SGCG: variants seen among roughly 807,000 people sequenced by gnomAD.
The protein encoded by SGCG is gamma-sarcoglycan.
In SGCG, 26 loss-of-function variants were observed where a neutral mutation model predicts 29.3. That is an observed-to-expected ratio of 0.89 (90% confidence interval 0.65 to 1.23). SGCG has a LOEUF of 1.23. Ranked by LOEUF, SGCG falls within the 50% of genes most tolerant of loss-of-function variation. The pLI, the probability that SGCG is intolerant of heterozygous loss-of-function variation, is 0.00. For missense variants in SGCG, 353 were observed against 356.0 expected (o/e 0.99, Z 0.07); for synonymous variants, 145 against 129.7 (o/e 1.12, Z -0.80).
chr13:23,226,937 G>A (rs776716124), intron 2 of SGCG, among the ~76,000 whole-genome samples: 13 of 152,286 alleles, frequency 8.5e-5, no homozygotes, highest in African/African-American at 1.7e-4. Context: ...AAGCTGTCCC[G>A]GAATGAGGCA....
intron 4 of SGCG, among the ~76,000 whole-genome samples, chr13:23,266,937 T>G (rs1178616988): frequency 6.6e-6 from 1 of 152,122 alleles, no homozygotes; most frequent in East Asian, 1.9e-4. Flanking sequence ...TTTGTAGCAA[T>G]GCAATAATGA....
upstream of SGCG, among the ~76,000 whole-genome samples, chr13:23,176,737 T>C (rs532454087): frequency 8.7e-4 from 132 of 152,278 alleles, 1 homozygote; most frequent in African/African-American, 3.2e-3. Context: ...GGAAGGTTAT[T>C]GTCGATAGGT....
intron 4 of SGCG, among the ~76,000 whole-genome samples, chr13:23,264,085 A>G (rs1023165314): frequency 2.0e-5 from 3 of 152,106 alleles, no homozygotes; most frequent in African/African-American, 7.2e-5. Flanking sequence ...TAGCCAGAGT[A>G]ATCATTGCAA....
intron 5 of SGCG, among the ~76,000 whole-genome samples, chr13:23,292,902 G>A (rs1315138456): frequency 6.6e-6 from 1 of 152,154 alleles, no homozygotes; most frequent in East Asian, 1.9e-4. Context: ...GACTTGAGGT[G>A]TATTAAAATT....
intron 5 of SGCG, among the ~76,000 whole-genome samples, chr13:23,294,494 T>C (rs1881831434): frequency 6.6e-6 from 1 of 152,216 alleles, no homozygotes; most frequent in Admixed American, 6.5e-5. Context: ...AAAAGTTTAT[T>C]TATTTTAAGG....
chr13:23,258,761 T>G, intron 4 of SGCG, among the ~76,000 whole-genome samples: 1 of 152,238 alleles, frequency 6.6e-6, no homozygotes, highest in East Asian at 1.9e-4. Context: ...GCATGAAGGC[T>G]GTTGAATTTT....
chr13:23,258,609 C>T (rs889076352), intron 4 of SGCG, among the ~76,000 whole-genome samples: 7 of 152,168 alleles, frequency 4.6e-5, no homozygotes. Flanking sequence ...TGAGAGAGGG[C>T]ATCCCTGTCT....
At chr13:23,299,452 A>ATTTTTTTTTT (rs1433429984) in intron 6 of SGCG, among the ~76,000 whole-genome samples, 6 of 43,446 alleles carry the variant, frequency 1.4e-4, no homozygotes, top group Non-Finnish European at 2.3e-4. Context: ...ATATATATAT[A>ATTTTTTTTTT]TATATTTTTT....
intron 6 of SGCG, among the ~76,000 whole-genome samples, chr13:23,305,289 G>T (rs1317106892): frequency 1.3e-5 from 2 of 152,056 alleles, no homozygotes; most frequent in Admixed American, 1.3e-4. Flanking sequence ...TTTATTTGTT[G>T]CTATTAAAAG....
At chr13:23,169,516 TA>T in the SGCG span, among the ~76,000 whole-genome samples, 3 of 151,952 alleles carry the variant, frequency 2.0e-5, no homozygotes, top group Non-Finnish European at 4.4e-5. Flanking sequence ...CCGTCTCTAC[TA>T]AAAATACAAA....
intron 2 of SGCG, chr13:23,217,350 C>T (rs1878470304): frequency 6.6e-6 from 1 of 152,020 alleles, no homozygotes; most frequent in Non-Finnish European, 1.5e-5. Context: ...ATAAATTTAT[C>T]ATTGTTTTCA....
At position 23,324,433 on chromosome 13, in the gene SGCG, C is replaced by A. The variant is rs2137534138; in HGVS notation, c.768C>A (p.Gly256=). The A allele has an allele frequency of 6.2e-7, 1 of 1,614,106 alleles. No individual in the cohort carries two copies. Among genetic ancestry groups the A allele is most frequent in the Middle Eastern group, 1.7e-4 (1 of 6,042 alleles). Residue 256 remains glycine, a synonymous_variant, in exon 8 of 8, where the codon GGC becomes GGA. Coordinates refer to ENST00000218867, the MANE Select transcript of SGCG (RefSeq NM_000231.3). Reference sequence around the variant, plus strand: ...TGCAGGGGACGTGGGGTCCCTCTGGCAGCTCACAGAGCCTCTACGAAATCT... The same window carrying A: ...TGCAGGGGACGTGGGGTCCCTCTGGAAGCTCACAGAGCCTCTACGAAATCT... ...KLVQGTWGPS[G]SSQSLYEICV...
chr13:23,177,808 A>G (rs536159580), upstream of SGCG, among the ~76,000 whole-genome samples: 48 of 151,376 alleles, frequency 3.2e-4, no homozygotes, highest in Admixed American at 4.6e-4. Flanking sequence ...TGAACTCCTG[A>G]CCTCAAGTGA....
intron 6 of SGCG, among the ~76,000 whole-genome samples, chr13:23,312,004 G>A (rs76860480): frequency 1.8e-4 from 28 of 152,186 alleles, no homozygotes; most frequent in Admixed American, 1.4e-3. Flanking sequence ...GAGCCTCATC[G>A]TTTCCAAGGT....
chr13:23,228,785 G>T (rs1420321952), intron 2 of SGCG, among the ~76,000 whole-genome samples: 2 of 152,182 alleles, frequency 1.3e-5, no homozygotes, highest in African/African-American at 4.8e-5. Flanking sequence ...CCATGTTCCT[G>T]CAAAGGACAT....
the SGCG span, among the ~76,000 whole-genome samples, chr13:23,166,734 T>C: frequency 6.6e-6 from 1 of 152,172 alleles, no homozygotes; most frequent in African/African-American, 2.4e-5. Flanking sequence ...CATTATTCAG[T>C]GTTAGCTCGT....
At chr13:23,188,939 C>A (rs1311297221) in intron 1 of SGCG, among the ~76,000 whole-genome samples, 1 of 152,176 alleles carries the variant, frequency 6.6e-6, no homozygotes, top group Non-Finnish European at 1.5e-5. Context: ...AGATCACTTT[C>A]ATTCTTTACG....
intron 4 of SGCG, among the ~76,000 whole-genome samples, chr13:23,253,843 G>C (rs913618623): frequency 6.6e-6 from 1 of 152,176 alleles, no homozygotes; most frequent in Admixed American, 6.5e-5. Flanking sequence ...TTGTTTAAAA[G>C]AGTCTGGGAC....
chr13:23,228,070 C>G (rs895836516), intron 2 of SGCG, among the ~76,000 whole-genome samples: 1 of 152,024 alleles, frequency 6.6e-6, no homozygotes, highest in Non-Finnish European at 1.5e-5. Flanking sequence ...CTAGACCTCC[C>G]AAAATGAGCC....
Sources: allele counts gnomAD v4.1 joint callset (sites outside exome capture counted in the v4.1 genomes callset), GRCh38; gene constraint gnomAD v4.1.1; transcripts MANE v1.5; gene names NCBI Gene and HGNC (gene_info 2026-07-23, HGNC 2026-07-21).